The following DNAJB12 variants were observed in gnomAD, a reference collection of about 807,000 sequenced individuals.
DNAJB12 encodes dnaJ homolog subfamily B member 12.
A neutral mutation model predicts 40.6 loss-of-function variants in DNAJB12; 14 were observed. That is an observed-to-expected ratio of 0.34 (90% confidence interval 0.23 to 0.54). The LOEUF is 0.54. Ranked by LOEUF, DNAJB12 falls within the 20% of genes least tolerant of loss-of-function variation. The pLI, the probability that DNAJB12 is intolerant of heterozygous loss-of-function variation, is 0.92. For synonymous variants in DNAJB12, 181 were observed against 199.5 expected (o/e 0.91, Z 0.78); for missense variants, 444 against 501.7 (o/e 0.89, Z 1.10).
In DNAJB12 at chr10:72,335,501, A is replaced by C; in HGVS notation, c.*30+279T>G. On this transcript the variant is annotated intron_variant, in intron 8 of 8. Coordinates refer to ENST00000444643, the MANE Select transcript of DNAJB12 (RefSeq NM_017626.7). This position sits in a 1 kb window ranked among gnomAD's most constrained non-coding sequence, Gnocchi z 4.4. The stretch of plus-strand genomic sequence containing the variant: ...CCGGGTGGCCCTCAGCAACAGTTTC[A>C]AGTTCCCACTCTGCCTGGTTCTGGG... 1 of 1,162,360 alleles carries C rather than the reference A, an allele frequency of 8.6e-7. No homozygotes were observed. Among genetic ancestry groups the C allele is most frequent in the Non-Finnish European group, 1.1e-6 (1 of 935,100 alleles). The allele number at this position is 1,162,360 out of a possible 1,614,324, so 72.0% of individuals were successfully genotyped here.
At chr10:72,351,248 C>T (rs192944104) in intron 1 of DNAJB12, among the ~76,000 whole-genome samples, 20 of 152,336 alleles carry the variant, frequency 1.3e-4, no homozygotes, top group Admixed American at 1.3e-3. Flanking sequence ...TGACTGGCTC[C>T]ACCATCTCTA....
Position 72,344,986 on chromosome 10 carries a change from T to C in DNAJB12, c.275A>G (p.Lys92Arg), listed in dbSNP as rs1360824190. 6.2e-7 allele frequency: 1 copy of C among 1,614,188 alleles called. No homozygotes were observed. The highest frequency in any genetic ancestry group is 1.7e-5 in the Admixed American group (1 of 60,030). ...TGCAACCTGTTCTGCAGTGTAGCCTTTGGTGCTCTCTCCTCCAGCTTCACC... is the reference window on the plus strand; with the variant it reads ...TGCAACCTGTTCTGCAGTGTAGCCTCTGGTGCTCTCTCCTCCAGCTTCACC... ...ANGEAGGEST[K>R]GYTAEQVAAV... The change falls in exon 2 of 9, where the codon AAA (lysine) becomes AGA (arginine). Residue 92 changes from lysine to arginine, a missense_variant. Transcript: ENST00000444643.
intron 1 of DNAJB12, among the ~76,000 whole-genome samples, chr10:72,347,963 C>T (rs1281091869): frequency 6.6e-6 from 1 of 151,422 alleles, no homozygotes; most frequent in Non-Finnish European, 1.5e-5. Context: ...GTGGCTCACA[C>T]CTGTAATCCC....
At chr10:72,343,208 C>T (rs1372375319) in intron 3 of DNAJB12, among the ~76,000 whole-genome samples, 158 bp downstream of exon 3, 1 of 152,222 alleles carries the variant, frequency 6.6e-6, no homozygotes, top group Non-Finnish European at 1.5e-5. Context: ...GCTACTAGAA[C>T]CTTTTTCCCA....
chr10:72,337,944 T>C (rs543405176), intron 6 of DNAJB12, among the ~76,000 whole-genome samples: 1 of 152,290 alleles, frequency 6.6e-6, no homozygotes, highest in South Asian at 2.1e-4. Context: ...ATCGTGTGTG[T>C]GTATGTGTGT....
chr10:72,344,016 A>G (rs1291312278), intron 2 of DNAJB12, among the ~76,000 whole-genome samples: 2 of 152,000 alleles, frequency 1.3e-5, no homozygotes, highest in African/African-American at 2.4e-5. Flanking sequence ...CAGCCCCCCA[A>G]AGTGCTAGGA....
At chr10:72,349,689 C>T (rs977074276) in intron 1 of DNAJB12, among the ~76,000 whole-genome samples, 1 of 152,118 alleles carries the variant, frequency 6.6e-6, no homozygotes, top group Non-Finnish European at 1.5e-5. Context: ...GGAGATGGGA[C>T]AGGCTCTCTC....
At chr10:72,346,960 G>C (rs912868712) in intron 1 of DNAJB12, among the ~76,000 whole-genome samples, 5 of 149,364 alleles carry the variant, frequency 3.3e-5, no homozygotes, top group Admixed American at 3.3e-4. Context: ...TTTTACCATT[G>C]GTTTTTTTTT....
In DNAJB12 at chr10:72,335,154, G is replaced by A. The variant is rs1014313001; in HGVS notation, c.*31-537C>T. On this transcript the variant is annotated intron_variant, in intron 8 of 8. Transcript: ENST00000444643. The surrounding 1 kb of genome is among the most constrained non-coding windows in gnomAD (Gnocchi z 4.4). ...CAGGCTGCCAGGTGTGACGGCATTC[G>A]AGAGAGTGCCTCAGATCCCACCAGA... The A allele has an allele frequency of 3.0e-6, 3 of 988,134 alleles. No homozygotes were observed. Among genetic ancestry groups the A allele is most frequent in the South Asian group, 4.6e-5 (1 of 21,848 alleles). The allele number at this position is 988,134 out of a possible 1,614,324, so 61.2% of individuals were successfully genotyped here.
intron 8 of DNAJB12, 115 bp from the exon 9 acceptor site, chr10:72,334,732 C>T (rs1022489509): frequency 3.6e-6 from 5 of 1,407,394 alleles, no homozygotes; most frequent in South Asian, 1.6e-5. Context: ...GCTGCCCGCT[C>T]GACCCCCACC....
At chr10:72,349,757 A>G (rs1861888801) in intron 1 of DNAJB12, among the ~76,000 whole-genome samples, 2 of 152,244 alleles carry the variant, frequency 1.3e-5, no homozygotes, top group South Asian at 4.1e-4. Flanking sequence ...GGAATCAGCC[A>G]CTCTAATTTC....
At chr10:72,346,962 T>C (rs1861805658) in intron 1 of DNAJB12, among the ~76,000 whole-genome samples, 1 of 143,440 alleles carries the variant, frequency 7.0e-6, no homozygotes, top group South Asian at 2.2e-4. Flanking sequence ...TTACCATTGG[T>C]TTTTTTTTTT....
chr10:72,341,270 G>T, intron 3 of DNAJB12, 100 bp from the exon 4 acceptor site: 1 of 1,174,722 alleles, frequency 8.5e-7, no homozygotes, highest in Non-Finnish European at 1.2e-6. Flanking sequence ...CTCAAGCAGT[G>T]CTTTAGGAAG....
At chr10:72,345,569 CAAAA>C (rs34465078) in intron 1 of DNAJB12, among the ~76,000 whole-genome samples, 13 of 92,286 alleles carry the variant, frequency 1.4e-4, no homozygotes, top group African/African-American at 2.3e-4. Context: ...GACCCTGTCT[CAAAA>C]AAAAAAAAAA....
At chr10:72,353,432 A>T (rs41305997) in intron 1 of DNAJB12, 2 of 152,272 alleles carry the variant, frequency 1.3e-5, no homozygotes, top group Non-Finnish European at 2.9e-5. Flanking sequence ...GAGGGAGGAA[A>T]GTTCAGCAGT....
intron 1 of DNAJB12, among the ~76,000 whole-genome samples, chr10:72,348,491 C>T (rs750341839): frequency 1.6e-4 from 24 of 152,236 alleles, no homozygotes; most frequent in Non-Finnish European, 3.4e-4. Context: ...CCTTCAAACA[C>T]GCCAGGTGCC....
intron 7 of DNAJB12, 78 bp from the exon 8 acceptor site, chr10:72,336,009 G>T: frequency 1.3e-6 from 2 of 1,572,848 alleles, no homozygotes; most frequent in Non-Finnish European, 1.7e-6. Context: ...GGGCTGTGGA[G>T]GGCGGAGGAA....
chr10:72,353,261 G>A (rs1861978504), intron 1 of DNAJB12: 1 of 152,236 alleles, frequency 6.6e-6, no homozygotes, highest in African/African-American at 2.4e-5. Context: ...ATCAGTGTCA[G>A]GCAGAATTCT....
Position 72,334,454 on chromosome 10 carries a change from C to A in DNAJB12, c.*194G>T. The A allele has an allele frequency of 8.5e-7, 1 of 1,170,238 alleles. No individual in the cohort carries two copies. Among genetic ancestry groups the A allele is most frequent in the South Asian group, 1.3e-5 (1 of 75,844 alleles). The allele number at this position is 1,170,238 out of a possible 1,614,324, so 72.5% of individuals were successfully genotyped here. A position where few individuals can be genotyped will look rare whatever the true frequency, so the allele number is the denominator to read the frequency against. The stretch of plus-strand genomic sequence containing the variant: ...GCCCCATGGCAGGTTTTCTGTCTGT[C>A]CTAAGAGCTTTCTGCATTTACTGGG... On this transcript the variant is annotated 3_prime_UTR_variant, in exon 9 of 9. Coordinates refer to ENST00000444643, the MANE Select transcript of DNAJB12 (RefSeq NM_017626.7).
Sources: allele counts gnomAD v4.1 joint callset (sites outside exome capture counted in the v4.1 genomes callset), GRCh38; gene constraint gnomAD v4.1.1; non-coding constraint Gnocchi (gnomAD v3.1); transcripts MANE v1.5; gene names NCBI Gene and HGNC (gene_info 2026-07-23, HGNC 2026-07-21).